Variants in EIPR1 observed in about 807,000 individuals in gnomAD.
EIPR1 encodes EARP complex and GARP complex interacting protein 1, also known as EARP and GARP complex-interacting protein 1.
In EIPR1, 25 loss-of-function variants were observed where a neutral mutation model predicts 48.1. The observed-to-expected ratio is 0.52, with a 90% CI of 0.38 to 0.73. EIPR1 has a LOEUF of 0.73. Ranked by LOEUF, EIPR1 falls within the 30% of genes least tolerant of loss-of-function variation. The pLI is 0.00. For synonymous variants in EIPR1, 204 were observed against 201.9 expected, an observed-to-expected ratio of 1.01 and a Z score of -0.09; for missense variants, 415 against 506.2, an observed-to-expected ratio of 0.82 and a Z score of 1.73.
At position 3,269,349 on chromosome 2, in the gene EIPR1, C is replaced by T. The variant is rs535268469; in HGVS notation, c.260-11894G>A. 1.2e-3 allele frequency among the ~76,000 whole-genome samples: 113 copies of T among 96,238 alleles called. 9 individuals carry two copies. Among genetic ancestry groups the T allele is most frequent in the Non-Finnish European group, 1.1e-3 (54 of 51,046 alleles). 63.1% of individuals were successfully genotyped at this position (96,238 alleles called of 152,430 possible). A position where few individuals can be genotyped will look rare whatever the true frequency, so the allele number is the denominator to read the frequency against. On this transcript the variant is annotated intron_variant, in intron 3 of 8. Transcript: ENST00000382125. ...CTCAATCATCATCACACTCAGTCAT[C>T]GCACTCAGTCATCGCACTCAATCAT...
intron 3 of EIPR1, among the ~76,000 whole-genome samples, chr2:3,306,003 A>G (rs1668931863): frequency 6.6e-6 from 1 of 152,210 alleles, no homozygotes; most frequent in Non-Finnish European, 1.5e-5. Context: ...GTTCCGAGGC[A>G]GTCACTTGGG....
rs535609445 is a variant in EIPR1 at position 3,332,942 on chromosome 2, T to A, written c.259+5075A>T. Among the ~76,000 whole-genome samples the A allele has an allele frequency of 2.0e-5, 3 of 152,308 alleles. No individual in the cohort carries two copies. In the East Asian group the frequency reaches 5.8e-4, roughly 29 times the overall value. ...ATTTAAGCTAGGAGAGATGGATGTA[T>A]GGGTTTAATCTGAAAATGTTTGACT... On this transcript the variant is annotated intron_variant, in intron 3 of 8. Transcript: ENST00000382125.
rs145295048 is a variant in EIPR1 at position 3,288,107 on chromosome 2, G to A, written c.260-30652C>T. ...CGGGGTGGCATCCTGATGCGGTGGC[G>A]TCATGGCAGATGAGAGCAGCGGGTG... is the stretch of plus-strand genomic sequence containing the variant. On this transcript the variant is annotated intron_variant, in intron 3 of 8. Transcript: ENST00000382125. 2.5e-3 allele frequency among the ~76,000 whole-genome samples: 381 copies of A among 152,314 alleles called. 1 individual carries two copies. The highest frequency in any genetic ancestry group is 8.9e-3 in the African/African-American group (371 of 41,572).
intron 3 of EIPR1, among the ~76,000 whole-genome samples, chr2:3,337,544 C>A (rs998506784): frequency 6.6e-6 from 1 of 152,148 alleles, no homozygotes; most frequent in African/African-American, 2.4e-5. Flanking sequence ...AAACTAAGGT[C>A]CCAGAGCTCC....
rs184142241 is a variant in EIPR1 at position 3,263,477 on chromosome 2, C to A, written c.260-6022G>T. On this transcript the variant is annotated intron_variant, in intron 3 of 8. Transcript: ENST00000382125. The stretch of plus-strand genomic sequence containing the variant: ...CCCTGATGCCCTGACCAGAGACCAC[C>A]CCTCAACGGCCCCACCACTACAAAT... Among the ~76,000 whole-genome samples, 44 of 152,270 alleles carry A rather than the reference C, an allele frequency of 2.9e-4. 1 individual carries two copies. Among genetic ancestry groups the A allele is most frequent in the Admixed American group, 1.5e-3 (23 of 15,302 alleles).
intron 4 of EIPR1, among the ~76,000 whole-genome samples, chr2:3,223,165 T>C (rs1027182832): frequency 1.3e-5 from 2 of 152,302 alleles, no homozygotes; most frequent in Middle Eastern, 3.4e-3. Context: ...AAGAGAGATG[T>C]GGCCTACTTC....
intron 3 of EIPR1, among the ~76,000 whole-genome samples, chr2:3,323,608 A>T (rs567744639): frequency 6.6e-6 from 1 of 152,202 alleles, no homozygotes; most frequent in Admixed American, 6.5e-5. Flanking sequence ...CCACGTGAGC[A>T]GCCTCCTCCT....
At chr2:3,192,647 A>G (rs1002706500) in intron 7 of EIPR1, 66 bp from the exon 8 acceptor site, 3 of 1,551,640 alleles carry the variant, frequency 1.9e-6, no homozygotes, top group African/African-American at 2.7e-5. Context: ...AATGGATCAC[A>G]CCGGCTCTGA....
chr2:3,326,944 G>T (rs976160121), intron 3 of EIPR1, among the ~76,000 whole-genome samples: 5 of 152,228 alleles, frequency 3.3e-5, no homozygotes, highest in Non-Finnish European at 7.3e-5. Context: ...GAGGAAGATG[G>T]TGCCAGGATG....
chr2:3,316,936 A>G (rs1391978852), intron 3 of EIPR1, among the ~76,000 whole-genome samples: 10 of 152,270 alleles, frequency 6.6e-5, no homozygotes, highest in African/African-American at 2.4e-4. Context: ...ACGCACAGAA[A>G]TAGTGCATGT....
At chr2:3,269,679 AATCATCG>A (rs1467481268) in intron 3 of EIPR1, among the ~76,000 whole-genome samples, 5 of 149,010 alleles carry the variant, frequency 3.4e-5, no homozygotes. Context: ...CAATCATCGC[AATCATCG>A]CACTCAATCA....
chr2:3,289,906 A>G (rs1668315605), intron 3 of EIPR1, among the ~76,000 whole-genome samples: 1 of 151,806 alleles, frequency 6.6e-6, no homozygotes, highest in Admixed American at 6.6e-5. Context: ...CGACCACTAC[A>G]CCCTTTGTCA....
chr2:3,310,586 G>C lies in EIPR1; in HGVS notation c.259+27431C>G, dbSNP rs368017418. Reference sequence around the variant, plus strand: ...GAGAATGGCGTGAACCCGGGAGGCGGAGCTTGCAGTGAGCCGAGATCCCGC... The same window carrying C: ...GAGAATGGCGTGAACCCGGGAGGCGCAGCTTGCAGTGAGCCGAGATCCCGC... On this transcript the variant is annotated intron_variant, in intron 3 of 8. Coordinates refer to ENST00000382125, the MANE Select transcript of EIPR1 (RefSeq NM_003310.5). 3.9e-3 allele frequency among the ~76,000 whole-genome samples: 577 copies of C among 147,220 alleles called. 3 individuals are homozygous for C. The highest frequency in any genetic ancestry group is 6.5e-3 in the Non-Finnish European group (435 of 67,070).
intron 5 of EIPR1, among the ~76,000 whole-genome samples, chr2:3,213,439 G>A (rs774467214): frequency 2.1e-4 from 32 of 152,054 alleles, no homozygotes; most frequent in Non-Finnish European, 3.8e-4. Flanking sequence ...CAAAGAAAGC[G>A]CTAAAAGTTA....
rs116349118 is a variant in EIPR1, at chr2:3,317,615, A to T, written c.259+20402T>A. On this transcript the variant is annotated intron_variant, in intron 3 of 8. Coordinates refer to ENST00000382125, the MANE Select transcript of EIPR1 (RefSeq NM_003310.5). ...TTAAATAAACACACTGAAGACTCCA[A>T]GCTATATGGACTGAATCCACCCCCA... is the stretch of plus-strand genomic sequence containing the variant. 7.2e-3 allele frequency among the ~76,000 whole-genome samples: 1,093 copies of T among 152,326 alleles called. 14 individuals are homozygous for T. The highest frequency in any genetic ancestry group is 0.025 in the African/African-American group (1,026 of 41,574).
chr2:3,336,584 A>G (rs1337591527), intron 3 of EIPR1, among the ~76,000 whole-genome samples: 1 of 152,170 alleles, frequency 6.6e-6, no homozygotes, highest in Non-Finnish European at 1.5e-5. Context: ...CCTGGCCAAC[A>G]TGGTGAAACC....
At chr2:3,306,879 A>G (rs1007340977) in intron 3 of EIPR1, among the ~76,000 whole-genome samples, 5 of 152,218 alleles carry the variant, frequency 3.3e-5, no homozygotes, top group South Asian at 2.1e-4. Context: ...ATAGTTATAG[A>G]GTCAAAAAAG....
chr2:3,318,421 G>C (rs530989044), intron 3 of EIPR1, among the ~76,000 whole-genome samples: 212 of 152,320 alleles, frequency 1.4e-3, no homozygotes, highest in Admixed American at 3.8e-3. Context: ...GATCTGGAAG[G>C]AGCCATAAAC....
At chr2:3,295,972 T>C (rs1421525366) in intron 3 of EIPR1, among the ~76,000 whole-genome samples, 30 of 62,020 alleles carry the variant, frequency 4.8e-4, no homozygotes, top group African/African-American at 7.3e-4. Context: ...ATCCTCTCTC[T>C]GCACACACAC....
Sources: gnomAD v4.1 joint callset for allele counts (sites outside exome capture counted in the v4.1 genomes callset) on GRCh38, gnomAD v4.1.1 for gene constraint, MANE v1.5 for transcripts, NCBI Gene and HGNC (gene_info 2026-07-23, HGNC 2026-07-21) for gene names.